The following CREB5 variants were observed in gnomAD, a reference collection of about 807,000 sequenced individuals.
CREB5 encodes the protein cAMP responsive element binding protein 5, also known as cyclic AMP-responsive element-binding protein 5.
CREB5 carries 19 observed loss-of-function variants against 57.1 expected under a neutral mutation model. The ratio of observed to expected loss-of-function variants is 0.33; its 90% CI spans 0.23 to 0.49. The LOEUF (loss-of-function observed/expected upper bound fraction) is 0.49, where lower values mean the gene tolerates loss of function less well. Ranked by LOEUF, CREB5 falls within the 20% of genes least tolerant of loss-of-function variation. CREB5 has a pLI of 0.99. For synonymous variants in CREB5, 238 were observed against 238.3 expected (o/e 1.00, Z 0.01); for missense variants, 579 against 671.6 (o/e 0.86, Z 1.52).
chr7:28,507,907 T>A (rs532528533), intron 4 of CREB5, among the ~76,000 whole-genome samples, 170 bp downstream of exon 4: 2 of 152,366 alleles, frequency 1.3e-5, no homozygotes, highest in African/African-American at 4.8e-5. Flanking sequence ...TATGGCAGAA[T>A]TCAAAGCTAG....
rs139245240 is a variant in CREB5, at chr7:28,504,224, C to T, written c.170-3392C>T. Reference sequence around the variant, plus strand: ...GGGGACAGCTAAATCTATCAACACACGAATGCCTTGTCAAATAACTATTTC... The same window carrying T: ...GGGGACAGCTAAATCTATCAACACATGAATGCCTTGTCAAATAACTATTTC... On this transcript the variant is annotated intron_variant, in intron 3 of 10. Coordinates refer to ENST00000357727, the MANE Select transcript of CREB5 (RefSeq NM_182898.4). Among the ~76,000 whole-genome samples, 280 of 152,280 alleles carry T rather than the reference C, an allele frequency of 1.8e-3. 2 individuals carry two copies. The highest frequency in any genetic ancestry group is 6.2e-3 in the African/African-American group (259 of 41,570).
At chr7:28,791,925 G>T (rs1443159182) in intron 7 of CREB5, among the ~76,000 whole-genome samples, 1 of 152,120 alleles carries the variant, frequency 6.6e-6, no homozygotes, top group Non-Finnish European at 1.5e-5. Flanking sequence ...TAGATCTCTG[G>T]TTCATTGAAT....
rs3041011 is a variant in CREB5, at chr7:28,420,099, ATTT to A, written c.3+7195_3+7197del. On this transcript the variant is annotated intron_variant, in intron 1 of 10. Coordinates refer to ENST00000357727, the MANE Select transcript of CREB5 (RefSeq NM_182898.4). ...ATGGAGGCAGCATGGGCAAAGTACA[ATTT>A]TTTTTTTTTTTTCATATGCTTTGGA... is the stretch of plus-strand genomic sequence containing the variant. Among the ~76,000 whole-genome samples the A allele has an allele frequency of 1.7e-3, 250 of 150,192 alleles. 4 individuals are homozygous for A. The highest frequency in any genetic ancestry group is 4.3e-3 in the East Asian group (22 of 5,116).
chr7:28,413,743 A>T (rs908972532), intron 1 of CREB5, among the ~76,000 whole-genome samples: 3 of 152,194 alleles, frequency 2.0e-5, no homozygotes, highest in African/African-American at 7.2e-5. Flanking sequence ...GTTATGTCAC[A>T]GCTTTTATTT....
intron 7 of CREB5, among the ~76,000 whole-genome samples, chr7:28,772,033 G>A (rs978100512): frequency 2.0e-5 from 3 of 152,128 alleles, no homozygotes; most frequent in Admixed American, 2.0e-4. Context: ...AAGGGCAGTT[G>A]TCATTCTCTA....
intron 4 of CREB5, among the ~76,000 whole-genome samples, chr7:28,512,796 A>G (rs1562766724): frequency 6.6e-6 from 1 of 152,218 alleles, no homozygotes; most frequent in African/African-American, 2.4e-5. Context: ...AGTGTGGTGT[A>G]TAAGTGCTAA....
At chr7:28,590,769 T>C (rs1368834025) in intron 5 of CREB5, among the ~76,000 whole-genome samples, 1 of 151,974 alleles carries the variant, frequency 6.6e-6, no homozygotes, top group Non-Finnish European at 1.5e-5. Context: ...AATCACTCAG[T>C]GCCTCTGTTT....
At chr7:28,803,280 C>T (rs1443495323) in intron 7 of CREB5, among the ~76,000 whole-genome samples, 2 of 152,074 alleles carry the variant, frequency 1.3e-5, no homozygotes, top group Admixed American at 1.3e-4. Flanking sequence ...TGGAAGGGAC[C>T]ATAAGAAAAA....
intron 3 of CREB5, among the ~76,000 whole-genome samples, chr7:28,496,554 A>G (rs927969520): frequency 6.6e-6 from 1 of 152,100 alleles, no homozygotes; most frequent in Non-Finnish European, 1.5e-5. Context: ...CAGGGAAAAG[A>G]TGAGGGCCCT....
chr7:28,481,330 A>AT (rs1791323696), intron 1 of CREB5, among the ~76,000 whole-genome samples: 3 of 152,186 alleles, frequency 2.0e-5, no homozygotes, highest in African/African-American at 7.2e-5. Context: ...GATGGCAAAT[A>AT]TCTTTGAAGA....
At chr7:28,580,379 T>G (rs111901266) in intron 5 of CREB5, among the ~76,000 whole-genome samples, 4,995 of 142,086 alleles carry the variant, frequency 0.035, 184 homozygotes, top group East Asian at 0.11. Flanking sequence ...TCTGTGTGTG[T>G]GGGGGGGGCA....
rs946362679 is a variant in CREB5, at chr7:28,515,529, A to G, written c.291+7792A>G. Among the ~76,000 whole-genome samples, 3 of 152,068 alleles carry G rather than the reference A, an allele frequency of 2.0e-5. No homozygotes were observed. In the South Asian group the frequency reaches 6.2e-4, roughly 32 times the overall value. On this transcript the variant is annotated intron_variant, in intron 4 of 10. Transcript: ENST00000357727. ...ATACCACTGCTATTCCTCACTCAAC[A>G]TGCCGGAAACCATACCCAGGGCTTT...
At chr7:28,656,990 A>G (rs898723874) in intron 5 of CREB5, among the ~76,000 whole-genome samples, 1 of 152,146 alleles carries the variant, frequency 6.6e-6, no homozygotes, top group Non-Finnish European at 1.5e-5. Context: ...TGTGTATGGA[A>G]GAAAAGTAAG....
intron 7 of CREB5, among the ~76,000 whole-genome samples, chr7:28,737,540 T>C (rs1213064534): frequency 2.3e-4 from 1 of 4,400 alleles, no homozygotes. Flanking sequence ...TATATATACG[T>C]ATATATATAT....
intron 5 of CREB5, among the ~76,000 whole-genome samples, chr7:28,595,686 T>C (rs1796669888): frequency 6.6e-6 from 1 of 152,200 alleles, no homozygotes; most frequent in Non-Finnish European, 1.5e-5. Context: ...GTGGTCTTAA[T>C]TTCAAAGCTG....
At chr7:28,582,790 G>A (rs1157525392) in intron 5 of CREB5, among the ~76,000 whole-genome samples, 1 of 152,194 alleles carries the variant, frequency 6.6e-6, no homozygotes, top group Non-Finnish European at 1.5e-5. Context: ...AGAGCCTTGA[G>A]GAAAGTTAGA....
intron 1 of CREB5, among the ~76,000 whole-genome samples, chr7:28,420,528 CGG>C (rs1449497582): frequency 2.0e-5 from 3 of 152,026 alleles, no homozygotes; most frequent in African/African-American, 7.2e-5. Flanking sequence ...AAGGTGAGGC[CGG>C]GCATGGTGGC....
intron 1 of CREB5, among the ~76,000 whole-genome samples, chr7:28,327,134 G>T (rs1464839857): frequency 2.1e-5 from 3 of 139,668 alleles, no homozygotes; most frequent in African/African-American, 8.1e-5. Flanking sequence ...GGGCGACAGG[G>T]TGAGACTCCA....
intron 1 of CREB5, among the ~76,000 whole-genome samples, chr7:28,315,956 GT>G (rs556463617): frequency 6.6e-6 from 1 of 152,020 alleles, no homozygotes; most frequent in African/African-American, 2.4e-5. Flanking sequence ...ACAGGTCCTG[GT>G]TTTTTTTACC....
Sources: allele counts gnomAD v4.1 joint callset (sites outside exome capture counted in the v4.1 genomes callset), GRCh38; gene constraint gnomAD v4.1.1; transcripts MANE v1.5; gene names NCBI Gene and HGNC (gene_info 2026-07-23, HGNC 2026-07-21).